Variants in DLG1 observed in about 807,000 individuals in gnomAD.
The protein encoded by DLG1 is discs large MAGUK scaffold protein 1.
In DLG1, 42 loss-of-function variants were observed where a neutral mutation model predicts 123.4. That is an observed-to-expected ratio of 0.34 (90% CI 0.27 to 0.44). The LOEUF is 0.44. DLG1 is among the 20% of genes least tolerant of loss of function. The pLI is 1.00. For missense variants in DLG1, 942 were observed against 1,082.6 expected, an observed-to-expected ratio of 0.87 and a Z score of 1.82; for synonymous variants, 317 against 356.2, an observed-to-expected ratio of 0.89 and a Z score of 1.24.
At chr3:197,046,033 A>G (rs996844821) in intron 24 of DLG1, among the ~76,000 whole-genome samples, 3 of 152,244 alleles carry the variant, frequency 2.0e-5, no homozygotes, top group African/African-American at 7.2e-5. Context: ...GTAACATGAT[A>G]TTCGCTAGTA....
At chr3:197,084,373 G>A (rs1752967184) in intron 16 of DLG1, among the ~76,000 whole-genome samples, 1 of 151,192 alleles carries the variant, frequency 6.6e-6, no homozygotes, top group Non-Finnish European at 1.5e-5. Context: ...GTGCAGTGGT[G>A]CAATTTCAGC....
chr3:197,099,984 A>G (rs1192930803), intron 14 of DLG1, among the ~76,000 whole-genome samples: 1 of 152,190 alleles, frequency 6.6e-6, no homozygotes, highest in Admixed American at 6.5e-5. Flanking sequence ...TGACAGGCAT[A>G]TGGCATTTTC....
At chr3:197,234,691 T>TA (rs1295863445) in intron 4 of DLG1, among the ~76,000 whole-genome samples, 6 of 152,168 alleles carry the variant, frequency 3.9e-5, no homozygotes, top group Non-Finnish European at 2.9e-5. Flanking sequence ...TTATGCCCCG[T>TA]AATTATGTAT....
chr3:197,144,905 C>T (rs1789935635), intron 6 of DLG1, among the ~76,000 whole-genome samples: 1 of 152,194 alleles, frequency 6.6e-6, no homozygotes, highest in Admixed American at 6.5e-5. Flanking sequence ...CAGCCTCAAA[C>T]TCCTGGACTC....
intron 4 of DLG1, among the ~76,000 whole-genome samples, chr3:197,196,368 C>A (rs914533076): frequency 3.9e-5 from 6 of 152,056 alleles, no homozygotes; most frequent in Admixed American, 6.6e-5. Context: ...CAGATGACTG[C>A]AATTAGTTTC....
chr3:197,192,878 A>G (rs771594026), intron 5 of DLG1, among the ~76,000 whole-genome samples: 5 of 152,164 alleles, frequency 3.3e-5, no homozygotes, highest in Non-Finnish European at 2.9e-5. Context: ...GAAATAAGTG[A>G]TATTATGAAT....
chr3:197,236,214 G>A (rs956404764), intron 4 of DLG1, among the ~76,000 whole-genome samples: 6 of 152,134 alleles, frequency 3.9e-5, no homozygotes, highest in African/African-American at 7.2e-5. Context: ...TTGGGAGGCT[G>A]AAGCAGGAGG....
rs188314381 is a variant in DLG1 at position 197,055,618 on chromosome 3, T to C, written c.2484-3950A>G. ...TATTTTCTAAGCCTGTGATTTTCCA[T>C]GGATATGAAAACCTCCCCTCATATA... On this transcript the variant is annotated intron_variant, in intron 23 of 24. Transcript: ENST00000667157. Among the ~76,000 whole-genome samples the C allele has an allele frequency of 1.3e-4, 20 of 152,288 alleles. No homozygotes were observed. In the East Asian group the frequency reaches 2.9e-3, roughly 22 times the overall value.
chr3:197,138,475 CTTT>C lies in DLG1; in HGVS notation c.714-87_714-85del, dbSNP rs1214793921. 6.3e-6 allele frequency: 4 copies of C among 632,540 alleles called. No homozygotes were observed. In the South Asian group the frequency reaches 2.3e-4, roughly 37 times the overall value. The allele number at this position is 632,540 out of a possible 1,614,324, so 39.2% of individuals were successfully genotyped here. ...CCACTTTACCAATTTTTTGTTACTT[CTTT>C]TTTAAGGTAAAGAGAATTATAAATA... On this transcript the variant is annotated intron_variant, in intron 8 of 24. Coordinates refer to ENST00000667157, the MANE Select transcript of DLG1 (RefSeq NM_001366207.1).
chr3:197,234,991 C>G (rs1360997986), intron 4 of DLG1, among the ~76,000 whole-genome samples: 2 of 152,112 alleles, frequency 1.3e-5, no homozygotes, highest in Non-Finnish European at 2.9e-5. Context: ...ACTTCTACGT[C>G]AGGCCATGAA....
At chr3:197,079,743 T>A (rs1019477684) in intron 17 of DLG1, among the ~76,000 whole-genome samples, 1 of 152,158 alleles carries the variant, frequency 6.6e-6, no homozygotes, top group Admixed American at 6.5e-5. Flanking sequence ...TTGCTTCAGA[T>A]CACACTATAT....
chr3:197,085,818 G>A, intron 15 of DLG1, 62 bp from the exon 16 acceptor site: 1 of 1,472,776 alleles, frequency 6.8e-7, no homozygotes, highest in African/African-American at 1.4e-5. Context: ...CATATCATAG[G>A]GTTCTGAAAG....
At chr3:197,103,814 C>G (rs946206538) in intron 14 of DLG1, among the ~76,000 whole-genome samples, 5 of 151,368 alleles carry the variant, frequency 3.3e-5, no homozygotes, top group Admixed American at 2.6e-4. Flanking sequence ...ACTCATTTAG[C>G]TCCTTTACTC....
intron 22 of DLG1, 121 bp from the exon 23 acceptor site, chr3:197,060,119 T>C (rs1205196373): frequency 3.4e-6 from 2 of 587,442 alleles, no homozygotes; most frequent in East Asian, 6.1e-5. Context: ...TGTTCACTTT[T>C]AGTAAACTTG....
intron 4 of DLG1, among the ~76,000 whole-genome samples, chr3:197,251,766 G>A (rs747704817): frequency 6.6e-6 from 1 of 152,112 alleles, no homozygotes; most frequent in East Asian, 1.9e-4. Flanking sequence ...CAAACTACCC[G>A]TCTGACAAGG....
chr3:197,295,867 G>A (rs1318066906), intron 3 of DLG1, among the ~76,000 whole-genome samples: 1 of 152,090 alleles, frequency 6.6e-6, no homozygotes, highest in African/African-American at 2.4e-5. Flanking sequence ...TGTAAAATAC[G>A]GTTACTAGAC....
At chr3:197,124,864 T>C (rs1396863327) in intron 11 of DLG1, among the ~76,000 whole-genome samples, 1 of 152,156 alleles carries the variant, frequency 6.6e-6, no homozygotes, top group Non-Finnish European at 1.5e-5. Context: ...TCCCTCCTAT[T>C]TCCTTCAGAT....
intron 4 of DLG1, among the ~76,000 whole-genome samples, chr3:197,227,743 T>C (rs895740514): frequency 4.1e-4 from 63 of 152,330 alleles, no homozygotes; most frequent in African/African-American, 1.4e-3. Flanking sequence ...TTCTGTTCCA[T>C]TCCTACTTAT....
intron 13 of DLG1, among the ~76,000 whole-genome samples, chr3:197,115,644 G>A (rs1366720058): frequency 6.6e-6 from 1 of 152,134 alleles, no homozygotes; most frequent in African/African-American, 2.4e-5. Context: ...AAGTACACAA[G>A]TAACAAACTT....
Sources: allele counts gnomAD v4.1 joint callset (sites outside exome capture counted in the v4.1 genomes callset), GRCh38; gene constraint gnomAD v4.1.1; transcripts MANE v1.5; gene names NCBI Gene and HGNC (gene_info 2026-07-23, HGNC 2026-07-21).